Variants in TMOD1 observed in about 807,000 individuals in gnomAD.
TMOD1 encodes tropomodulin 1.
Under a neutral mutation model 40.6 loss-of-function variants are expected in TMOD1, and 17 were observed. The observed-to-expected ratio is 0.42, with a 90% CI of 0.29 to 0.63. The LOEUF is 0.63. Among genes scored for constraint, TMOD1 ranks in the 20% least tolerant of loss-of-function variants. TMOD1 has a pLI of 0.22. For missense variants in TMOD1, 391 were observed against 447.6 expected, an observed-to-expected ratio of 0.87 and a Z score of 1.14; for synonymous variants, 181 against 175.0, an observed-to-expected ratio of 1.03 and a Z score of -0.27.
chr9:97,531,674 G>A (rs924575503), intron 2 of TMOD1, among the ~76,000 whole-genome samples: 1 of 152,144 alleles, frequency 6.6e-6, no homozygotes, highest in Non-Finnish European at 1.5e-5. Flanking sequence ...AACAGAATTG[G>A]AGAATCCCAG....
At chr9:97,579,224 G>C (rs1282988871) in intron 8 of TMOD1, among the ~76,000 whole-genome samples, 1 of 152,166 alleles carries the variant, frequency 6.6e-6, no homozygotes, top group South Asian at 2.1e-4. Context: ...ATTCGTGCTT[G>C]TCCATTTGGA....
chr9:97,554,945 G>T (rs1327022673), intron 4 of TMOD1, among the ~76,000 whole-genome samples: 1 of 152,184 alleles, frequency 6.6e-6, no homozygotes, highest in Non-Finnish European at 1.5e-5. Flanking sequence ...GGGGACCTGA[G>T]GAGTGAATGC....
Position 97,502,103 on chromosome 9 carries a change from G to A in TMOD1, c.-49+300G>A, listed in dbSNP as rs1168224084. ...GTCTGTGAACGCGAGAAGGACCCGG[G>A]GTTCTGGAGGAGACGGCGCCCCGGG... On this transcript the variant is annotated intron_variant, in intron 1 of 9. Transcript: ENST00000259365. This position sits in a 1 kb window ranked among gnomAD's most constrained non-coding sequence, Gnocchi z 6.1. 1.3e-5 allele frequency among the ~76,000 whole-genome samples: 2 copies of A among 152,064 alleles called. No homozygotes were observed. Among genetic ancestry groups the A allele is most frequent in the African/African-American group, 4.8e-5 (2 of 41,436 alleles).
chr9:97,533,480 A>G (rs1830133937), intron 2 of TMOD1, among the ~76,000 whole-genome samples: 1 of 152,250 alleles, frequency 6.6e-6, no homozygotes, highest in Non-Finnish European at 1.5e-5. Flanking sequence ...CACTGTTCAC[A>G]TAGACTAGAG....
At chr9:97,541,542 G>C (rs897535851) in intron 2 of TMOD1, among the ~76,000 whole-genome samples, 52 of 149,250 alleles carry the variant, frequency 3.5e-4, no homozygotes, top group African/African-American at 1.2e-3. Flanking sequence ...TTTTGAGACA[G>C]TCTCACTCTG....
intron 6 of TMOD1, among the ~76,000 whole-genome samples, chr9:97,564,421 C>T (rs1414082634): frequency 2.6e-5 from 4 of 152,160 alleles, no homozygotes; most frequent in Non-Finnish European, 4.4e-5. Flanking sequence ...ATGTTTAGCA[C>T]GGGCCAACCC....
chr9:97,565,825 C>T (rs1338210868), intron 6 of TMOD1, 23 bp from the exon 7 acceptor site: 2 of 1,595,640 alleles, frequency 1.3e-6, no homozygotes, highest in Non-Finnish European at 1.7e-6. Context: ...TGGTCACTCT[C>T]TCTGTTGCCT....
intron 1 of TMOD1, among the ~76,000 whole-genome samples, chr9:97,504,288 G>A (rs1201724514): frequency 6.6e-6 from 1 of 152,140 alleles, no homozygotes; most frequent in Admixed American, 6.5e-5. Context: ...GGAAAGGCAG[G>A]AGCTAACAGG....
chr9:97,600,317 T>TGAC lies in TMOD1; in HGVS notation c.*619_*620insGAC, dbSNP rs1826226928. 1.0e-6 allele frequency: 1 copy of TGAC among 985,814 alleles called. No individual in the cohort carries two copies. Among genetic ancestry groups the TGAC allele is most frequent in the African/African-American group, 1.8e-5 (1 of 57,110 alleles). The allele number at this position is 985,814 out of a possible 1,614,324, so 61.1% of individuals were successfully genotyped here. ...CCTTTTGCTGGATATGCAGAAATGA[T>TGAC]AGGAAAAAAACCAATGGTGAAATTT... On this transcript the variant is annotated 3_prime_UTR_variant, in exon 10 of 10. Transcript: ENST00000259365.
chr9:97,511,148 G>A (rs547319330), intron 1 of TMOD1, among the ~76,000 whole-genome samples: 16 of 151,698 alleles, frequency 1.1e-4, no homozygotes, highest in South Asian at 1.0e-3. Flanking sequence ...CAACTTTGAC[G>A]TTTAGAGCAT....
At chr9:97,531,301 CCATAATGTGT>C (rs1221996504) in intron 2 of TMOD1, among the ~76,000 whole-genome samples, 1 of 152,120 alleles carries the variant, frequency 6.6e-6, no homozygotes, top group African/African-American at 2.4e-5. Context: ...TTTCCTTAGA[CCATAATGTGT>C]CAAGAGTTCT....
In TMOD1 at chr9:97,544,134, C is replaced by T. The variant is rs546087786; in HGVS notation, c.121-2051C>T. Among the ~76,000 whole-genome samples, 12 of 152,332 alleles carry T rather than the reference C, an allele frequency of 7.9e-5. No homozygotes were observed. In the East Asian group the frequency reaches 1.9e-3, roughly 24 times the overall value. On this transcript the variant is annotated intron_variant, in intron 2 of 9. Coordinates refer to ENST00000259365, the MANE Select transcript of TMOD1 (RefSeq NM_003275.4). ...CTCTGTGCTGGGTGGGCCCTGCTCACTTACAGCCCTCCCAGAGGCAGGATC... is the reference window on the plus strand; with the variant it reads ...CTCTGTGCTGGGTGGGCCCTGCTCATTTACAGCCCTCCCAGAGGCAGGATC...
chr9:97,576,147 A>G (rs1830934908), intron 8 of TMOD1, among the ~76,000 whole-genome samples: 1 of 152,178 alleles, frequency 6.6e-6, no homozygotes. Flanking sequence ...CAAAATATTA[A>G]ATGAAAAAGG....
intron 2 of TMOD1, among the ~76,000 whole-genome samples, chr9:97,526,781 C>T (rs1830020916): frequency 6.6e-6 from 1 of 152,196 alleles, no homozygotes; most frequent in Admixed American, 6.5e-5. Context: ...AAGCTGCCAT[C>T]CTTCCTAGAC....
At position 97,518,096 on chromosome 9, in the gene TMOD1, ATCT is replaced by A. The variant is rs1829847176; in HGVS notation, c.-48-6041_-48-6039del. On this transcript the variant is annotated intron_variant, in intron 1 of 9. Transcript: ENST00000259365. ...CCACAGCTGCCCCAACACCTGCCCC[ATCT>A]TCTCCTCCTGTCCCAGTTCCATGTT... Among the ~76,000 whole-genome samples, 6 of 152,170 alleles carry A rather than the reference ATCT, an allele frequency of 3.9e-5. No homozygotes were observed. In the East Asian group the frequency reaches 1.2e-3, roughly 29 times the overall value.
intron 1 of TMOD1, among the ~76,000 whole-genome samples, chr9:97,519,114 C>T (rs928237833): frequency 2.6e-5 from 4 of 152,206 alleles, no homozygotes; most frequent in Non-Finnish European, 4.4e-5. Flanking sequence ...CCCACATTGG[C>T]GGGCAATGCT....
intron 2 of TMOD1, among the ~76,000 whole-genome samples, chr9:97,539,863 G>A (rs2131239370): frequency 6.6e-6 from 1 of 151,826 alleles, no homozygotes; most frequent in African/African-American, 2.4e-5. Flanking sequence ...CTACTCAGGA[G>A]GCTGAGGCAG....
At chr9:97,510,363 T>C (rs567712477) in intron 1 of TMOD1, among the ~76,000 whole-genome samples, 2 of 152,108 alleles carry the variant, frequency 1.3e-5, no homozygotes, top group Admixed American at 6.5e-5. Flanking sequence ...CCCGAGTAGC[T>C]GGAATTACAG....
chr9:97,502,898 T>A lies in TMOD1; in HGVS notation c.-49+1095T>A, dbSNP rs1211363485. On this transcript the variant is annotated intron_variant, in intron 1 of 9. Coordinates refer to ENST00000259365, the MANE Select transcript of TMOD1 (RefSeq NM_003275.4). This position sits in a 1 kb window ranked among gnomAD's most constrained non-coding sequence, Gnocchi z 6.1. ...CCTGGCCACAGTTTCCCGGTCTATATCGGGCCTATGATGCGTCCTCCAACC... is the reference window on the plus strand; with the variant it reads ...CCTGGCCACAGTTTCCCGGTCTATAACGGGCCTATGATGCGTCCTCCAACC... Among the ~76,000 whole-genome samples, 1 of 152,108 alleles carries A rather than the reference T, an allele frequency of 6.6e-6. No homozygotes were observed. The highest frequency in any genetic ancestry group is 2.4e-5 in the African/African-American group (1 of 41,418).
Sources: allele counts gnomAD v4.1 joint callset (sites outside exome capture counted in the v4.1 genomes callset), GRCh38; gene constraint gnomAD v4.1.1; non-coding constraint Gnocchi (gnomAD v3.1); transcripts MANE v1.5; gene names NCBI Gene and HGNC (gene_info 2026-07-23, HGNC 2026-07-21).